The following HERPUD2 variants were observed in gnomAD, a reference collection of about 807,000 sequenced individuals.
HERPUD2 encodes the protein HERPUD family member 2.
A neutral mutation model predicts 49.9 loss-of-function variants in HERPUD2; 13 were observed. That is an observed-to-expected ratio of 0.26 (90% confidence interval 0.17 to 0.41). The LOEUF (loss-of-function observed/expected upper bound fraction) is 0.41. Among genes scored for constraint, HERPUD2 ranks in the 10% least tolerant of loss-of-function variants. HERPUD2 has a pLI of 1.00. For synonymous variants in HERPUD2, 172 were observed against 171.4 expected (o/e 1.00, Z -0.03); for missense variants, 449 against 492.2 (o/e 0.91, Z 0.83).
At position 35,684,172 on chromosome 7, in the gene HERPUD2, G is replaced by A. The variant is rs916743630; in HGVS notation, c.147+10012C>T. On this transcript the variant is annotated intron_variant, in intron 2 of 8. Transcript: ENST00000311350. ...GAGGCCGAGGCGGGTGGATCATGAG[G>A]TCAGGAGATCAACACCACCCTGGCT... 1.5e-4 allele frequency among the ~76,000 whole-genome samples: 22 copies of A among 151,552 alleles called. 1 individual carries two copies. Among genetic ancestry groups the A allele is most frequent in the East Asian group, 1.4e-3 (7 of 5,126 alleles).
At chr7:35,635,024 C>A in intron 7 of HERPUD2, 111 bp downstream of exon 7, 1 of 737,780 alleles carries the variant, frequency 1.4e-6, no homozygotes, top group Non-Finnish European at 2.2e-6. Context: ...ATATCTAAAG[C>A]CCAGCATTCA....
intron 5 of HERPUD2, among the ~76,000 whole-genome samples, chr7:35,650,510 T>G (rs1169927565): frequency 6.6e-6 from 1 of 152,082 alleles, no homozygotes; most frequent in African/African-American, 2.4e-5. Context: ...GGCACCATTT[T>G]CAGAGTCCAA....
chr7:35,649,952 G>A (rs1227308214), intron 5 of HERPUD2, among the ~76,000 whole-genome samples: 2 of 152,084 alleles, frequency 1.3e-5, no homozygotes, highest in Admixed American at 6.5e-5. Context: ...TCACTATGGA[G>A]TTTCCGGGCT....
chr7:35,635,515 T>G, intron 6 of HERPUD2, 57 bp from the exon 7 acceptor site: 1 of 1,428,406 alleles, frequency 7.0e-7, no homozygotes, highest in Non-Finnish European at 9.5e-7. Context: ...CCATACCATA[T>G]TTTTTTAAAC....
At chr7:35,671,193 T>C (rs1445883530) in intron 3 of HERPUD2, among the ~76,000 whole-genome samples, 1 of 152,092 alleles carries the variant, frequency 6.6e-6, no homozygotes, top group Non-Finnish European at 1.5e-5. Flanking sequence ...TGTGCTTAAT[T>C]TGGAGACAAA....
intron 2 of HERPUD2, among the ~76,000 whole-genome samples, chr7:35,676,197 T>A (rs909848061): frequency 3.0e-4 from 45 of 152,140 alleles, no homozygotes; most frequent in African/African-American, 9.9e-4. Flanking sequence ...TTTTAAAAAA[T>A]TTTTCCCAGG....
intron 4 of HERPUD2, among the ~76,000 whole-genome samples, chr7:35,668,280 T>C (rs1785579434): frequency 6.6e-6 from 1 of 152,210 alleles, no homozygotes; most frequent in South Asian, 2.1e-4. Context: ...CAAAATGAAC[T>C]ACGAGAATCA....
At chr7:35,638,530 A>G in intron 5 of HERPUD2, 58 bp from the exon 6 acceptor site, 4 of 1,524,150 alleles carry the variant, frequency 2.6e-6, no homozygotes, top group Non-Finnish European at 2.7e-6. Flanking sequence ...GTATTATTCT[A>G]AATTTTCATT....
At chr7:35,675,245 C>T (rs184595802) in intron 2 of HERPUD2, among the ~76,000 whole-genome samples, 4 of 152,290 alleles carry the variant, frequency 2.6e-5, no homozygotes, top group African/African-American at 9.6e-5. Context: ...ATTTTGGGGA[C>T]CAGACATTAC....
chr7:35,644,256 TA>T (rs1163850886), intron 5 of HERPUD2, among the ~76,000 whole-genome samples: 455 of 140,556 alleles, frequency 3.2e-3, no homozygotes, highest in Admixed American at 3.7e-3. Flanking sequence ...ATAATTCCTT[TA>T]AAAAAAAAAA....
At chr7:35,678,169 A>G (rs541310679) in intron 2 of HERPUD2, among the ~76,000 whole-genome samples, 41 of 152,300 alleles carry the variant, frequency 2.7e-4, no homozygotes, top group African/African-American at 9.1e-4. Flanking sequence ...TTCATTATGC[A>G]TAAGAACATG....
chr7:35,635,062 A>G (rs565545641), intron 7 of HERPUD2, 73 bp downstream of exon 7: 4 of 1,104,812 alleles, frequency 3.6e-6, no homozygotes, highest in African/African-American at 3.1e-5. Flanking sequence ...TTCACAACAG[A>G]CTACCCTACA....
intron 3 of HERPUD2, among the ~76,000 whole-genome samples, chr7:35,670,886 A>G (rs1785629264): frequency 6.6e-6 from 1 of 152,112 alleles, no homozygotes; most frequent in Non-Finnish European, 1.5e-5. Context: ...ATAAACCTAG[A>G]AATATGACTG....
At chr7:35,648,870 A>G (rs898564960) in intron 5 of HERPUD2, among the ~76,000 whole-genome samples, 2 of 152,262 alleles carry the variant, frequency 1.3e-5, no homozygotes, top group African/African-American at 4.8e-5. Context: ...GTTAGCATGC[A>G]GCAAAACTAA....
rs535202480 is a variant in HERPUD2 at position 35,663,775 on chromosome 7, T to G, written c.494+3659A>C. Among the ~76,000 whole-genome samples the G allele has an allele frequency of 2.4e-4, 37 of 152,314 alleles. 1 individual carries two copies. Among genetic ancestry groups the G allele is most frequent in the Admixed American group, 1.2e-3 (18 of 15,298 alleles). ...TGGTAGATCTTCCTCCATCCCTTTATTTTGAGCCTATGTGTGTCTCTGCAC... is the reference window on the plus strand; with the variant it reads ...TGGTAGATCTTCCTCCATCCCTTTAGTTTGAGCCTATGTGTGTCTCTGCAC... On this transcript the variant is annotated intron_variant, in intron 5 of 8. Transcript: ENST00000311350.
chr7:35,660,345 C>T (rs1482342483), intron 5 of HERPUD2, among the ~76,000 whole-genome samples: 1 of 152,196 alleles, frequency 6.6e-6, no homozygotes, highest in African/African-American at 2.4e-5. Context: ...CATACGTGTG[C>T]ATATGTCTTT....
chr7:35,674,922 T>C lies in HERPUD2; in HGVS notation c.148-1644A>G, dbSNP rs200378635. On this transcript the variant is annotated intron_variant, in intron 2 of 8. Coordinates refer to ENST00000311350, the MANE Select transcript of HERPUD2 (RefSeq NM_022373.5). ...CTTCCATTTGTATCCTTTGTAATAA[T>C]ATCCTTTGTAAGTGAGCAAATGTAA... Among the ~76,000 whole-genome samples the C allele has an allele frequency of 2.6e-5, 4 of 152,302 alleles. No homozygotes were observed. In the East Asian group the frequency reaches 5.8e-4, roughly 22 times the overall value.
At chr7:35,679,871 T>C (rs1024957651) in intron 2 of HERPUD2, among the ~76,000 whole-genome samples, 4 of 152,204 alleles carry the variant, frequency 2.6e-5, no homozygotes, top group African/African-American at 4.8e-5. Context: ...ACCAGTTGTT[T>C]AAGCCAAAAA....
chr7:35,685,942 C>G (rs1378666992), intron 2 of HERPUD2, among the ~76,000 whole-genome samples: 1 of 151,266 alleles, frequency 6.6e-6, no homozygotes, highest in Non-Finnish European at 1.5e-5. Flanking sequence ...GCCTGGACAA[C>G]AGAGCGAGAC....
Sources: gnomAD v4.1 joint callset for allele counts (sites outside exome capture counted in the v4.1 genomes callset) on GRCh38, gnomAD v4.1.1 for gene constraint, MANE v1.5 for transcripts, NCBI Gene and HGNC (gene_info 2026-07-23, HGNC 2026-07-21) for gene names.